MALRD1: variants seen among roughly 807,000 people sequenced by gnomAD.
The protein encoded by MALRD1 is MAM and LDL-receptor class A domain-containing protein 1.
Under a neutral mutation model 242.1 loss-of-function variants are expected in MALRD1, and 247 were observed. That is an observed-to-expected ratio of 1.02 (90% CI 0.92 to 1.13). MALRD1 has a LOEUF of 1.13. Ranked by LOEUF, MALRD1 falls within the 50% of genes most tolerant of loss-of-function variation. The pLI, the probability that MALRD1 is intolerant of heterozygous loss-of-function variation, is 0.00. For synonymous variants in MALRD1, 995 were observed against 866.6 expected, an observed-to-expected ratio of 1.15 and a Z score of -2.60; for missense variants, 2,989 against 2,533.1, an observed-to-expected ratio of 1.18 and a Z score of -3.86.
At chr10:19,401,644 A>G (rs1474757668) in intron 28 of MALRD1, among the ~76,000 whole-genome samples, 2 of 152,158 alleles carry the variant, frequency 1.3e-5, no homozygotes, top group African/African-American at 4.8e-5. Flanking sequence ...AGGATAGGTA[A>G]AATAACTTTT....
intron 24 of MALRD1, 129 bp from the exon 25 acceptor site, chr10:19,347,642 C>A: frequency 9.3e-7 from 1 of 1,076,434 alleles, no homozygotes; most frequent in Non-Finnish European, 1.3e-6. Context: ...TTATATGTTG[C>A]TATCAGGATA....
At chr10:19,237,724 A>G (rs1439492643) in intron 18 of MALRD1, among the ~76,000 whole-genome samples, 2 of 117,080 alleles carry the variant, frequency 1.7e-5, no homozygotes, top group Non-Finnish European at 3.4e-5. Context: ...TTATATATAA[A>G]TATATAATTA....
At chr10:19,467,367 TG>T (rs1836268603) in intron 29 of MALRD1, among the ~76,000 whole-genome samples, 1 of 77,696 alleles carries the variant, frequency 1.3e-5, no homozygotes, top group Admixed American at 2.6e-4. Flanking sequence ...CACTCCAGCC[TG>T]GGCAACACAG....
intron 18 of MALRD1, among the ~76,000 whole-genome samples, chr10:19,232,458 A>G (rs1036537993): frequency 4.0e-5 from 6 of 151,758 alleles, no homozygotes; most frequent in Non-Finnish European, 7.4e-5. Flanking sequence ...GATTATAGGC[A>G]TGAGCCACCA....
At chr10:19,307,854 C>G (rs1582063) in intron 21 of MALRD1, among the ~76,000 whole-genome samples, 19,623 of 151,444 alleles carry the variant, frequency 0.13, 1,496 homozygotes, top group South Asian at 0.32. Context: ...AATAATTGCA[C>G]ATATTTATGG....
At chr10:19,536,306 G>A (rs574394053) in intron 32 of MALRD1, among the ~76,000 whole-genome samples, 2 of 150,470 alleles carry the variant, frequency 1.3e-5, no homozygotes, top group African/African-American at 4.9e-5. Flanking sequence ...TGCTTCCTTA[G>A]TTCCAGCTCC....
At chr10:19,586,358 T>C (rs1837402108) in intron 33 of MALRD1, among the ~76,000 whole-genome samples, 1 of 152,238 alleles carries the variant, frequency 6.6e-6, no homozygotes, top group South Asian at 2.1e-4. Context: ...TTTGTGGTTT[T>C]ATCTACTTTT....
At chr10:19,642,419 T>C (rs1840432240) in intron 36 of MALRD1, among the ~76,000 whole-genome samples, 1 of 152,196 alleles carries the variant, frequency 6.6e-6, no homozygotes, top group South Asian at 2.1e-4. Context: ...CAAATTTCTT[T>C]ACTTGAAACT....
At chr10:19,094,984 T>A (rs1464157177) in intron 4 of MALRD1, among the ~76,000 whole-genome samples, 1 of 152,188 alleles carries the variant, frequency 6.6e-6, no homozygotes, top group African/African-American at 2.4e-5. Flanking sequence ...TTTTAAAGCA[T>A]TTTATTCCTT....
At position 19,730,536 on chromosome 10, in the gene MALRD1, C is replaced by A. The variant is rs1049612672; in HGVS notation, c.6315-170C>A. The A allele has an allele frequency of 2.8e-5, 21 of 756,238 alleles. No homozygotes were observed. The African/African-American group carries it at 3.5e-4, about 13-fold the overall frequency. 46.8% of individuals were successfully genotyped at this position (756,238 alleles called of 1,614,324 possible). On this transcript the variant is annotated intron_variant, in intron 38 of 39. Transcript: ENST00000454679. The stretch of plus-strand genomic sequence containing the variant: ...TGAATGTGGTTGCCTTGGTGTCCTG[C>A]AAAAAATAAAAAATAAAAAACAAAC...
intron 31 of MALRD1, among the ~76,000 whole-genome samples, chr10:19,499,152 C>A (rs1394775254): frequency 6.6e-6 from 1 of 152,002 alleles, no homozygotes; most frequent in Non-Finnish European, 1.5e-5. Context: ...TTGCTTTCTG[C>A]CCTGTGATTT....
At chr10:19,730,902 G>C in intron 39 of MALRD1, 121 bp downstream of exon 39, 5 of 905,150 alleles carry the variant, frequency 5.5e-6, no homozygotes, top group Non-Finnish European at 8.2e-6. Flanking sequence ...TAAAAGAAAT[G>C]TTTTAGTGGA....
At chr10:19,316,933 A>G (rs1375241633) in intron 21 of MALRD1, among the ~76,000 whole-genome samples, 1 of 151,740 alleles carries the variant, frequency 6.6e-6, no homozygotes, top group Non-Finnish European at 1.5e-5. Context: ...AGATTGTAAC[A>G]GAAAGGATAA....
intron 5 of MALRD1, among the ~76,000 whole-genome samples, chr10:19,117,199 G>A (rs1397223292): frequency 2.0e-5 from 3 of 151,976 alleles, no homozygotes; most frequent in Non-Finnish European, 4.4e-5. Flanking sequence ...TTTGAGCTCT[G>A]GGATTGAATG....
chr10:19,149,123 T>A (rs561259068), intron 11 of MALRD1, among the ~76,000 whole-genome samples: 3 of 150,090 alleles, frequency 2.0e-5, no homozygotes, highest in East Asian at 3.9e-4. Flanking sequence ...TATCTATCTA[T>A]CTAACTAGCT....
At chr10:19,177,212 G>A (rs910897419) in intron 14 of MALRD1, among the ~76,000 whole-genome samples, 8 of 150,886 alleles carry the variant, frequency 5.3e-5, no homozygotes, top group African/African-American at 9.7e-5. Context: ...CCGAAGAGGC[G>A]GAGCTTGTAG....
intron 5 of MALRD1, among the ~76,000 whole-genome samples, chr10:19,121,292 C>T (rs1003013298): frequency 2.0e-5 from 3 of 151,606 alleles, no homozygotes; most frequent in Non-Finnish European, 4.4e-5. Context: ...CCACCTGCTT[C>T]GGCCTCCCAA....
chr10:19,445,686 C>T (rs1202795884), intron 28 of MALRD1, among the ~76,000 whole-genome samples: 3 of 152,200 alleles, frequency 2.0e-5, no homozygotes, highest in Non-Finnish European at 2.9e-5. Flanking sequence ...AGAGGGGCAC[C>T]CAGCTGTGTG....
chr10:19,681,073 A>G (rs950836995), intron 36 of MALRD1, among the ~76,000 whole-genome samples: 2 of 152,060 alleles, frequency 1.3e-5, no homozygotes, highest in Non-Finnish European at 2.9e-5. Context: ...GACTGCCCTT[A>G]ACATTTTTTT....
Sources: allele counts gnomAD v4.1 joint callset (sites outside exome capture counted in the v4.1 genomes callset), GRCh38; gene constraint gnomAD v4.1.1; transcripts MANE v1.5; gene names NCBI Gene and HGNC (gene_info 2026-07-23, HGNC 2026-07-21).